The following HSPG2 variants were observed in gnomAD, a reference collection of about 807,000 sequenced individuals.
HSPG2 encodes the protein basement membrane-specific heparan sulfate proteoglycan core protein.
In HSPG2, 278 loss-of-function variants were observed where a neutral mutation model predicts 526.6. The ratio of observed to expected loss-of-function variants is 0.53; its 90% CI spans 0.48 to 0.58. HSPG2 has a LOEUF of 0.58. HSPG2 is among the 20% of genes least tolerant of loss of function. The probability of loss-of-function intolerance (pLI) is 0.00; values close to 1 mark genes in which losing one functional copy is unlikely to be tolerated. For missense variants in HSPG2, 5,354 were observed against 6,099.5 expected (o/e 0.88, Z 4.07); for synonymous variants, 2,465 against 2,555.4 (o/e 0.96, Z 1.07).
chr1:21,854,327 A>G lies in HSPG2; in HGVS notation c.6305T>C (p.Leu2102Pro). ...PPHTQVHGSR[L>P]RLPQVSPADS... Reference sequence around the variant, plus strand: ...AGCTGGTGAGACCTGGGGGAGCCGCAGACGGGAGCCGTGCACCTGGGCCAG... The same window carrying G: ...AGCTGGTGAGACCTGGGGGAGCCGCGGACGGGAGCCGTGCACCTGGGCCAG... The change falls in exon 50 of 97, where the codon CTG becomes CCG. Residue 2102 changes from leucine to proline, a missense_variant. Leu to Pro is a moderately conservative substitution (Grantham distance 98, BLOSUM62 -3). Coordinates refer to ENST00000374695, the MANE Select transcript of HSPG2 (RefSeq NM_005529.7). The G allele has an allele frequency of 6.4e-7, 1 of 1,571,392 alleles. No individual in the cohort carries two copies. The highest frequency in any genetic ancestry group is 8.6e-7 in the Non-Finnish European group (1 of 1,158,022).
In HSPG2 at chr1:21,862,218, CATCTT is replaced by C. The variant is rs1286500296; in HGVS notation, c.4741-108_4741-104del. 3.1e-6 allele frequency: 4 copies of C among 1,284,340 alleles called. No homozygotes were observed. In the East Asian group the frequency reaches 7.2e-5, roughly 23 times the overall value. 79.6% of individuals were successfully genotyped at this position (1,284,340 alleles called of 1,614,324 possible). A position where few individuals can be genotyped will look rare whatever the true frequency, so the allele number is the denominator to read the frequency against. On this transcript the variant is annotated intron_variant, in intron 37 of 96. Coordinates refer to ENST00000374695, the MANE Select transcript of HSPG2 (RefSeq NM_005529.7). ...TCTAGAAATTCCAAGTTTGTGAACT[CATCTT>C]AAAGAAAGAATCATGGAAGGGCACA...
Position 21,831,485 on chromosome 1 carries a change from C to T in HSPG2, c.11430G>A (p.Ala3810=), listed in dbSNP as rs780318514. 1.4e-5 allele frequency: 22 copies of T among 1,613,982 alleles called. No homozygotes were observed. Among genetic ancestry groups the T allele is most frequent in the South Asian group, 3.3e-5 (3 of 91,088 alleles). Residue 3810 remains alanine, a synonymous_variant, in exon 83 of 97, where the codon GCG becomes GCA. Coordinates refer to ENST00000374695, the MANE Select transcript of HSPG2 (RefSeq NM_005529.7). ...CACCTATGAAGCCGCTGCTCAGCCC[C>T]GCCTTGGGGATGGCACCATAGTCAG... ...GYPDYGAIPK[A]GLSSGFIGCV... is the part of the protein sequence containing the mutation.
chr1:21,832,797 G>A (rs1479210424), intron 80 of HSPG2, 191 bp from the exon 81 acceptor site: 2 of 604,120 alleles, frequency 3.3e-6, no homozygotes, highest in Non-Finnish European at 5.9e-6. Flanking sequence ...GCCTTACTGA[G>A]CGCCCCTAGA....
At chr1:21,925,966 A>G (rs905538734) in intron 1 of HSPG2, among the ~76,000 whole-genome samples, 4 of 151,868 alleles carry the variant, frequency 2.6e-5, no homozygotes, top group Admixed American at 1.3e-4. Context: ...AGCAGCTGGC[A>G]CTACAGGCAT....
chr1:21,867,827 T>A (rs1640358086), intron 33 of HSPG2, among the ~76,000 whole-genome samples: 1 of 151,918 alleles, frequency 6.6e-6, no homozygotes, highest in Admixed American at 6.6e-5. Flanking sequence ...GCCTCCCGGG[T>A]TCAAGTGATT....
At chr1:21,925,148 G>T (rs891332583) in intron 1 of HSPG2, among the ~76,000 whole-genome samples, 8 of 152,190 alleles carry the variant, frequency 5.3e-5, no homozygotes, top group Non-Finnish European at 7.3e-5. Context: ...TCTCATCTGG[G>T]AAATGGAGGC....
chr1:21,887,877 G>A lies in HSPG2; in HGVS notation c.703+61C>T. ...GTCCTTGATGGGCTCCAAGACCCAG[G>A]TGTAGGACCCTGGCCCTCCCCTGGC... On this transcript the variant is annotated intron_variant, in intron 7 of 96. Transcript: ENST00000374695. This position sits in a 1 kb window ranked among gnomAD's most constrained non-coding sequence, Gnocchi z 5.0. 1.2e-6 allele frequency: 2 copies of A among 1,611,660 alleles called. No homozygotes were observed. The highest frequency in any genetic ancestry group is 1.6e-4 in the Middle Eastern group (1 of 6,062).
At chr1:21,869,114 G>C (rs562739015) in intron 33 of HSPG2, 149 of 172,846 alleles carry the variant, frequency 8.6e-4, no homozygotes, top group African/African-American at 3.4e-3. Flanking sequence ...CCACCCGACA[G>C]TGCGGGTCCT....
chr1:21,851,505 C>T (rs368744581), intron 55 of HSPG2, 41 bp downstream of exon 55: 129 of 1,612,288 alleles, frequency 8.0e-5, no homozygotes, highest in Non-Finnish European at 8.2e-5. Context: ...ACCCAGGGAC[C>T]CGCTTCCTCT....
At position 21,904,376 on chromosome 1, in the gene HSPG2, C is replaced by T. The variant is rs934665513; in HGVS notation, c.64-8066G>A. Among the ~76,000 whole-genome samples, 4 of 152,142 alleles carry T rather than the reference C, an allele frequency of 2.6e-5. No homozygotes were observed. The highest frequency in any genetic ancestry group is 1.9e-4 in the East Asian group (1 of 5,184). On this transcript the variant is annotated intron_variant, in intron 1 of 96. Transcript: ENST00000374695. This position sits in a 1 kb window ranked among gnomAD's most constrained non-coding sequence, Gnocchi z 4.4. The stretch of plus-strand genomic sequence containing the variant: ...GGCTGGAGAGGGCACGGCACGTTCG[C>T]GGGGTGGGAGGAAGCCTGGTGCAGC...
At chr1:21,833,236 A>T (rs753794504) in intron 80 of HSPG2, 32 bp downstream of exon 80, 9 of 1,581,238 alleles carry the variant, frequency 5.7e-6, no homozygotes, top group Non-Finnish European at 7.0e-6. Flanking sequence ...AACCCAGGCC[A>T]GCCCACCCCG....
At chr1:21,905,251 CCACA>C (rs1426454932) in intron 1 of HSPG2, among the ~76,000 whole-genome samples, 1 of 133,964 alleles carries the variant, frequency 7.5e-6, no homozygotes, top group Non-Finnish European at 1.7e-5. Context: ...ACACACCCAC[CCACA>C]CACACCCACA....
chr1:21,824,978 C>T lies in HSPG2; in HGVS notation c.12590-199G>A. On this transcript the variant is annotated intron_variant, in intron 91 of 96. Transcript: ENST00000374695. The surrounding 1 kb of genome is among the most constrained non-coding windows in gnomAD (Gnocchi z 5.9). ...ATGGGAAAGCATTACACCTCAATTT[C>T]ACTCACTTCTCACTGAAATTGAGCA... 1 of 620,606 alleles carries T rather than the reference C, an allele frequency of 1.6e-6. No homozygotes were observed. The highest frequency in any genetic ancestry group is 2.9e-6 in the Non-Finnish European group (1 of 341,472). 38.4% of individuals were successfully genotyped at this position (620,606 alleles called of 1,614,324 possible).
rs375006314 is a variant in HSPG2, at chr1:21,839,543, G to A, written c.9717C>T (p.Pro3239=). 94 of 1,613,718 alleles carry A rather than the reference G, an allele frequency of 5.8e-5. No homozygotes were observed. Among genetic ancestry groups the A allele is most frequent in the South Asian group, 3.3e-5 (3 of 91,080 alleles). The change falls in exon 73 of 97, where the codon CCC becomes CCT. Residue 3239 remains proline, a synonymous_variant. Transcript: ENST00000374695. The surrounding 1 kb of genome is among the most constrained non-coding windows in gnomAD (Gnocchi z 4.5). ...ATLRCSATGS[P]APTIHWSKLR... is the part of the protein sequence containing the mutation. ...GCTTGGACCAGTGGATGGTGGGCGC[G>A]GGGCTGCCTGTGGAGTCGAGTGGAA...
rs201906968 is a variant in HSPG2, at chr1:21,887,642, A to G, written c.736T>C (p.Ser246Pro). 1 of 1,613,944 alleles carries G rather than the reference A, an allele frequency of 6.2e-7. No homozygotes were observed. The highest frequency in any genetic ancestry group is 8.5e-7 in the Non-Finnish European group (1 of 1,180,004). The change falls in exon 8 of 97, where the codon TCT (serine) becomes CCT (proline). Residue 246 changes from serine (S) to proline (P), a missense_variant. Ser to Pro is a moderately conservative substitution (Grantham distance 74, BLOSUM62 -1). Transcript: ENST00000374695. The surrounding 1 kb of genome is among the most constrained non-coding windows in gnomAD (Gnocchi z 5.0). ...EPVLGISPTFSLLVETTSLPP... is the reference protein window; with the variant it reads ...EPVLGISPTFPLLVETTSLPP... ...AAAGATGTCGTCTCCACAAGGAGAG[A>G]GAATGTGGGGCTGATACCCAGGACT...
chr1:21,892,756 G>T (rs1044608518), intron 3 of HSPG2, among the ~76,000 whole-genome samples: 1 of 151,622 alleles, frequency 6.6e-6, no homozygotes, highest in African/African-American at 2.4e-5. Flanking sequence ...TACTCGGGAG[G>T]CTGAGGCAGG....
At position 21,864,882 on chromosome 1, in the gene HSPG2, C is replaced by G. The variant is rs1194864170; in HGVS notation, c.4587G>C (p.Glu1529Asp). 2 of 1,610,864 alleles carry G rather than the reference C, an allele frequency of 1.2e-6. No individual in the cohort carries two copies. Among genetic ancestry groups the G allele is most frequent in the Non-Finnish European group, 1.7e-6 (2 of 1,179,494 alleles). ...CGATGTAGCCTGGCGGGCAGCGGCACTCCTCCACCTCGAGGGCGCGGGGTC... is the reference window on the plus strand; with the variant it reads ...CGATGTAGCCTGGCGGGCAGCGGCAGTCCTCCACCTCGAGGGCGCGGGGTC... ...SNRPRALEVE[E>D]CRCPPGYIGL... Residue 1529 changes from glutamate (E) to aspartate (D), a missense_variant, in exon 36 of 97, where the codon GAG becomes GAC. Physicochemically the swap from Glu to Asp is conservative, Grantham distance 45. Coordinates refer to ENST00000374695, the MANE Select transcript of HSPG2 (RefSeq NM_005529.7). This position sits in a 1 kb window ranked among gnomAD's most constrained non-coding sequence, Gnocchi z 4.8.
At chr1:21,841,785 G>T (rs1239720356) in intron 69 of HSPG2, 112 bp from the exon 70 acceptor site, 1 of 1,422,144 alleles carries the variant, frequency 7.0e-7, no homozygotes, top group South Asian at 1.2e-5. Context: ...CGGCCTGGGT[G>T]TGTCTAGCTC....
intron 1 of HSPG2, among the ~76,000 whole-genome samples, chr1:21,902,262 C>T (rs1643142567): frequency 1.3e-5 from 2 of 152,180 alleles, no homozygotes; most frequent in Admixed American, 6.5e-5. Context: ...TTGTGCTGCC[C>T]GTGCCACTCG....
Sources: gnomAD v4.1 joint callset for allele counts (sites outside exome capture counted in the v4.1 genomes callset) on GRCh38, gnomAD v4.1.1 for gene constraint, Gnocchi (gnomAD v3.1) non-coding constraint, MANE v1.5 for transcripts, NCBI Gene and HGNC (gene_info 2026-07-23, HGNC 2026-07-21) for gene names.